Variants in CNTN5 observed in about 807,000 individuals in gnomAD.
The protein encoded by CNTN5 is contactin-5.
In CNTN5, 77 loss-of-function variants were observed where a neutral mutation model predicts 129.1. The observed-to-expected ratio is 0.60, with a 90% CI of 0.50 to 0.72. CNTN5 has a LOEUF of 0.72. CNTN5 is among the 30% of genes least tolerant of loss of function. The pLI is 0.00. For missense variants in CNTN5, 1,478 were observed against 1,328.8 expected (o/e 1.11, Z -1.75); for synonymous variants, 509 against 465.6 (o/e 1.09, Z -1.20).
At chr11:100,116,091 G>A (rs977704442) in intron 13 of CNTN5, among the ~76,000 whole-genome samples, 1 of 151,924 alleles carries the variant, frequency 6.6e-6, no homozygotes, top group African/African-American at 2.4e-5. Flanking sequence ...AGCCAGAATA[G>A]CAATAAACTC....
At chr11:100,259,718 G>C (rs1181959986) in intron 17 of CNTN5, among the ~76,000 whole-genome samples, 2 of 151,820 alleles carry the variant, frequency 1.3e-5, no homozygotes, top group Non-Finnish European at 2.9e-5. Context: ...TGAAATTAAG[G>C]CAGAAATAAA....
chr11:100,037,394 A>G (rs1223437512), intron 9 of CNTN5, among the ~76,000 whole-genome samples: 2 of 151,918 alleles, frequency 1.3e-5, no homozygotes, highest in Non-Finnish European at 2.9e-5. Context: ...GGATTTTTGC[A>G]TCAATGTTCA....
intron 2 of CNTN5, among the ~76,000 whole-genome samples, chr11:99,398,216 T>C (rs1504723): frequency 1 from 151,757 of 151,928 alleles, 75,794 homozygotes; most frequent in Middle Eastern, 1. Context: ...TTTTGTTTTG[T>C]TTTGTGTTTT....
chr11:100,229,398 A>G (rs1184470772), intron 16 of CNTN5, among the ~76,000 whole-genome samples: 1 of 152,212 alleles, frequency 6.6e-6, no homozygotes, highest in Non-Finnish European at 1.5e-5. Flanking sequence ...AGCTAGTTGT[A>G]AAGTATTATT....
chr11:100,069,987 A>G lies in CNTN5; in HGVS notation c.1163-437A>G, dbSNP rs1164874213. ...TCTGGATTCACAAATCATTTTTCCA[A>G]AGTCATTCAGGTGTTATATATATAC... is the stretch of plus-strand genomic sequence containing the variant. On this transcript the variant is annotated intron_variant, in intron 10 of 24. Transcript: ENST00000524871. Among the ~76,000 whole-genome samples, 7 of 152,262 alleles carry G rather than the reference A, an allele frequency of 4.6e-5. No individual in the cohort carries two copies. In the South Asian group the frequency reaches 1.5e-3, roughly 32 times the overall value.
intron 21 of CNTN5, among the ~76,000 whole-genome samples, chr11:100,329,952 C>G (rs1338225953): frequency 6.6e-6 from 1 of 152,148 alleles, no homozygotes; most frequent in Non-Finnish European, 1.5e-5. Context: ...TACCAGCTCA[C>G]CAGCAATGGA....
intron 19 of CNTN5, among the ~76,000 whole-genome samples, chr11:100,298,240 G>A (rs964108393): frequency 2.0e-5 from 3 of 151,428 alleles, no homozygotes; most frequent in African/African-American, 7.3e-5. Flanking sequence ...AAAGTATACA[G>A]AGATCTCTTT....
intron 21 of CNTN5, among the ~76,000 whole-genome samples, chr11:100,339,256 A>G (rs1417030938): frequency 6.6e-6 from 1 of 151,872 alleles, no homozygotes; most frequent in African/African-American, 2.4e-5. Context: ...GTGGGTCCCG[A>G]GCTCTTGTCT....
At chr11:99,913,842 A>C (rs1042194177) in intron 6 of CNTN5, among the ~76,000 whole-genome samples, 12 of 152,160 alleles carry the variant, frequency 7.9e-5, no homozygotes, top group African/African-American at 2.4e-4. Flanking sequence ...ATGGATATTT[A>C]TGTTTTAGAG....
intron 2 of CNTN5, among the ~76,000 whole-genome samples, chr11:99,386,805 G>A (rs975550366): frequency 6.6e-6 from 1 of 152,134 alleles, no homozygotes; most frequent in Non-Finnish European, 1.5e-5. Flanking sequence ...GCACTTAGGA[G>A]CCAGATATAG....
intron 3 of CNTN5, among the ~76,000 whole-genome samples, chr11:99,736,063 TCTTTC>T (rs1221187502): frequency 6.6e-6 from 1 of 152,132 alleles, no homozygotes; most frequent in Admixed American, 6.6e-5. Context: ...TCCCTCTCTC[TCTTTC>T]TTTTTCATAT....
rs67721084 is a variant in CNTN5, at chr11:99,057,785, A to AGTGTGTGTGTGTGTGT, written c.-210+36532_-210+36547dup. On this transcript the variant is annotated intron_variant, in intron 1 of 24. Transcript: ENST00000524871. ...ATAAGTAAGTGAAACATGAAACATA[A>AGTGTGTGTGTGTGTGT]GTGTGTGTGTGTGTGTGTGTGTGTG... is the stretch of plus-strand genomic sequence containing the variant. Among the ~76,000 whole-genome samples the AGTGTGTGTGTGTGTGT allele has an allele frequency of 2.8e-5, 4 of 145,020 alleles. No individual in the cohort carries two copies. The East Asian group carries it at 8.3e-4, about 30-fold the overall frequency.
intron 13 of CNTN5, among the ~76,000 whole-genome samples, chr11:100,119,486 T>C (rs1273570001): frequency 6.6e-6 from 1 of 151,920 alleles, no homozygotes; most frequent in East Asian, 1.9e-4. Flanking sequence ...CCAAGATTAA[T>C]TACTCAAAAA....
intron 3 of CNTN5, among the ~76,000 whole-genome samples, chr11:99,578,759 T>A (rs1949458320): frequency 6.6e-6 from 1 of 152,122 alleles, no homozygotes; most frequent in South Asian, 2.1e-4. Flanking sequence ...GTTGCAAAAA[T>A]TTTCTCCCAT....
chr11:100,039,129 G>A (rs1427141441), intron 9 of CNTN5, among the ~76,000 whole-genome samples: 2 of 152,122 alleles, frequency 1.3e-5, no homozygotes, highest in Non-Finnish European at 2.9e-5. Context: ...TCCATGTTTA[G>A]TGCTTCCTTC....
At chr11:99,612,836 C>A (rs1265776154) in intron 3 of CNTN5, among the ~76,000 whole-genome samples, 1 of 152,170 alleles carries the variant, frequency 6.6e-6, no homozygotes, top group Non-Finnish European at 1.5e-5. Context: ...AAAATTCTGG[C>A]CTTGGAGATG....
chr11:100,315,369 G>C (rs1951555452), intron 21 of CNTN5, among the ~76,000 whole-genome samples: 1 of 152,146 alleles, frequency 6.6e-6, no homozygotes, highest in African/African-American at 2.4e-5. Context: ...AATAGTGATT[G>C]ATTTTTGTTA....
intron 1 of CNTN5, among the ~76,000 whole-genome samples, chr11:99,183,960 T>C (rs1858213243): frequency 6.6e-6 from 1 of 152,122 alleles, no homozygotes; most frequent in African/African-American, 2.4e-5. Flanking sequence ...ACATATCTAA[T>C]AGATGAATGA....
intron 18 of CNTN5, among the ~76,000 whole-genome samples, chr11:100,281,860 C>G (rs140262336): frequency 6.6e-6 from 1 of 152,100 alleles, no homozygotes; most frequent in African/African-American, 2.4e-5. Context: ...ATCAATTCTA[C>G]TATTAAAAGA....
Sources: allele counts gnomAD v4.1 joint callset (sites outside exome capture counted in the v4.1 genomes callset), GRCh38; gene constraint gnomAD v4.1.1; transcripts MANE v1.5; gene names NCBI Gene and HGNC (gene_info 2026-07-23, HGNC 2026-07-21).